The following TNRC6B variants were observed in gnomAD, a reference collection of about 807,000 sequenced individuals.
The protein encoded by TNRC6B is trinucleotide repeat-containing gene 6B protein.
In TNRC6B, 52 loss-of-function variants were observed where a neutral mutation model predicts 203.6. That is an observed-to-expected ratio of 0.26 (90% CI 0.20 to 0.32). The LOEUF (loss-of-function observed/expected upper bound fraction) is 0.32, where lower values mean the gene tolerates loss of function less well. Ranked by LOEUF, TNRC6B falls within the 10% of genes least tolerant of loss-of-function variation. The probability of loss-of-function intolerance (pLI) is 1.00; values close to 1 mark genes in which losing one functional copy is unlikely to be tolerated. For synonymous variants in TNRC6B, 838 were observed against 845.7 expected (o/e 0.99, Z 0.16); for missense variants, 1,923 against 2,286.2 (o/e 0.84, Z 3.24).
chr22:40,173,422 CT>C (rs34606005), upstream of TNRC6B, among the ~76,000 whole-genome samples: 83,262 of 134,568 alleles, frequency 0.62, 26,703 homozygotes, highest in African/African-American at 0.84. Context: ...TCAGTTTACT[CT>C]TTTTTTTTTT....
chr22:40,132,954 A>ATAAAAAAAAAAT (rs1338592741), intron 3 of TNRC6B, among the ~76,000 whole-genome samples: 1 of 96,240 alleles, frequency 1.0e-5, no homozygotes, highest in Non-Finnish European at 2.1e-5. Context: ...AAAAAAAAAA[A>ATAAAAAAAAAAT]AAAAAAAAAA....
rs767354736 is a variant in TNRC6B, at chr22:40,335,264, C to G, written c.*12023C>G. 4 of 135,164 alleles carry G rather than the reference C, an allele frequency of 3.0e-5. No individual in the cohort carries two copies. Among genetic ancestry groups the G allele is most frequent in the Non-Finnish European group, 6.2e-5 (4 of 65,016 alleles). 8.4% of individuals were successfully genotyped at this position (135,164 alleles called of 1,614,324 possible). On this transcript the variant is annotated 3_prime_UTR_variant, in exon 23 of 23. Transcript: ENST00000454349. ...TACTGGTTTTACATGGACACAGAAA[C>G]TAGGCACTTTAGAGGTGCACTTGCA...
In TNRC6B at chr22:40,265,023, G is replaced by T. The variant is rs2070453197; in HGVS notation, c.793G>T (p.Ala265Ser). The T allele has an allele frequency of 6.2e-7, 1 of 1,613,972 alleles. No individual in the cohort carries two copies. The highest frequency in any genetic ancestry group is 8.5e-7 in the Non-Finnish European group (1 of 1,179,904). The change falls in exon 5 of 23, where the codon GCT (alanine) becomes TCT (serine). Residue 265 changes from alanine (A) to serine (S), a missense_variant. By Grantham distance (99) the Ala-to-Ser change is moderately conservative (BLOSUM62 1). This residue lies in a region of TNRC6B where 614 missense variants were observed against 587.7 expected (regional missense o/e 1.04). Transcript: ENST00000454349. ...NLGVWKSDPK[A>S]KSVQSSNSTT... Reference sequence around the variant, plus strand: ...TGGGGTCTGGAAATCTGACCCTAAGGCTAAATCTGTTCAATCTTCCAACTC... The same window carrying T: ...TGGGGTCTGGAAATCTGACCCTAAGTCTAAATCTGTTCAATCTTCCAACTC...
chr22:40,298,747 A>G (rs891371961), intron 12 of TNRC6B, among the ~76,000 whole-genome samples: 5 of 151,552 alleles, frequency 3.3e-5, no homozygotes, highest in African/African-American at 9.7e-5. Context: ...CGGGCGGATC[A>G]TGAGGTCAGG....
At chr22:40,193,155 C>T (rs2069294879) in intron 1 of TNRC6B, among the ~76,000 whole-genome samples, 1 of 152,166 alleles carries the variant, frequency 6.6e-6, no homozygotes, top group Admixed American at 6.5e-5. Flanking sequence ...CAGCCGAGCG[C>T]ATTGTTCATC....
At chr22:40,223,969 G>A (rs1038900361) in intron 1 of TNRC6B, among the ~76,000 whole-genome samples, 1 of 152,088 alleles carries the variant, frequency 6.6e-6, no homozygotes, top group African/African-American at 2.4e-5. Flanking sequence ...TGCCAGTTTG[G>A]TCAGTGAAAA....
At chr22:40,132,963 A>ATATAT (rs1555884671) in intron 3 of TNRC6B, among the ~76,000 whole-genome samples, 4 of 80,918 alleles carry the variant, frequency 4.9e-5, no homozygotes, top group African/African-American at 1.7e-4. Context: ...AAAAAAAAAA[A>ATATAT]AAAAAAATAT....
chr22:40,207,592 A>T (rs1569021033), intron 1 of TNRC6B, among the ~76,000 whole-genome samples: 1 of 151,844 alleles, frequency 6.6e-6, no homozygotes, highest in African/African-American at 2.4e-5. Context: ...TCAACAGAGG[A>T]TTTATATCCA....
At chr22:40,194,608 T>C (rs2069313673) in intron 1 of TNRC6B, among the ~76,000 whole-genome samples, 1 of 152,204 alleles carries the variant, frequency 6.6e-6, no homozygotes, top group African/African-American at 2.4e-5. Context: ...TACAGAACTC[T>C]TAGTTTTCCC....
At chr22:40,219,251 A>G (rs2069676182) in intron 1 of TNRC6B, among the ~76,000 whole-genome samples, 1 of 152,208 alleles carries the variant, frequency 6.6e-6, no homozygotes, top group Non-Finnish European at 1.5e-5. Context: ...ATGGGCAGTA[A>G]ATACTTGCTT....
chr22:40,290,412 CAAAAGCAAAGTCTTT>C lies in TNRC6B; in HGVS notation c.3708+4644_3708+4658del, dbSNP rs869178940. ...TGGTTCTCTCGCTGAGAATGCAAGG[CAAAAGCAAAGTCTTT>C]ACTCTGGTCTTTGAGGTTCCTGGTG... is the stretch of plus-strand genomic sequence containing the variant. On this transcript the variant is annotated intron_variant, in intron 12 of 22. Coordinates refer to ENST00000454349, the MANE Select transcript of TNRC6B (RefSeq NM_001162501.2). 3.4e-4 allele frequency among the ~76,000 whole-genome samples: 52 copies of C among 152,298 alleles called. 2 individuals carry two copies. Among genetic ancestry groups the C allele is most frequent in the African/African-American group, 1.2e-3 (50 of 41,558 alleles).
chr22:40,074,196 C>T (rs1419331722), intron 1 of TNRC6B, among the ~76,000 whole-genome samples: 1 of 148,318 alleles, frequency 6.7e-6, no homozygotes, highest in Non-Finnish European at 1.5e-5. Flanking sequence ...CACACCACTG[C>T]TCTCCAGCCT....
intron 1 of TNRC6B, among the ~76,000 whole-genome samples, chr22:40,101,062 G>T (rs778413921): frequency 5.3e-5 from 8 of 151,148 alleles, no homozygotes; most frequent in African/African-American, 9.7e-5. Flanking sequence ...GCATGATCTC[G>T]GCTCACCACA....
intron 3 of TNRC6B, among the ~76,000 whole-genome samples, chr22:40,254,139 G>C (rs1171354076): frequency 1.3e-5 from 2 of 152,190 alleles, no homozygotes; most frequent in Non-Finnish European, 2.9e-5. Context: ...ACATAGGCTA[G>C]AGCTGGCTTG....
At chr22:40,169,130 C>CTT (rs135632) in intron 4 of TNRC6B, among the ~76,000 whole-genome samples, 52 of 109,640 alleles carry the variant, frequency 4.7e-4, no homozygotes, top group African/African-American at 8.2e-4. Context: ...TTGGAATCTT[C>CTT]TTTTTTTTTT....
chr22:40,200,379 C>T (rs1471131645), intron 1 of TNRC6B, among the ~76,000 whole-genome samples: 1 of 139,552 alleles, frequency 7.2e-6, no homozygotes, highest in Non-Finnish European at 1.5e-5. Context: ...CTCTGCCTGC[C>T]GGGTTCAAGC....
intron 1 of TNRC6B, among the ~76,000 whole-genome samples, chr22:40,186,468 G>A (rs762495297): frequency 6.6e-6 from 1 of 151,924 alleles, no homozygotes; most frequent in African/African-American, 2.4e-5. Flanking sequence ...GTCCAGGCAC[G>A]GTGGCTCACA....
intron 1 of TNRC6B, among the ~76,000 whole-genome samples, chr22:40,236,907 A>C (rs2069955361): frequency 6.6e-6 from 1 of 152,160 alleles, no homozygotes; most frequent in South Asian, 2.1e-4. Context: ...GCTCATACCT[A>C]TAATCCCAAC....
At chr22:40,134,544 T>C (rs1568993676) in intron 3 of TNRC6B, among the ~76,000 whole-genome samples, 1 of 152,086 alleles carries the variant, frequency 6.6e-6, no homozygotes, top group African/African-American at 2.4e-5. Flanking sequence ...TTTAATAAAC[T>C]ATGGACTTTA....
Sources: allele counts gnomAD v4.1 joint callset (sites outside exome capture counted in the v4.1 genomes callset), GRCh38; gene constraint gnomAD v4.1.1; regional missense constraint gnomAD v4.1.1; transcripts MANE v1.5; gene names NCBI Gene and HGNC (gene_info 2026-07-23, HGNC 2026-07-21).